SPOPL: variants seen among roughly 807,000 people sequenced by gnomAD.
SPOPL encodes speckle-type POZ protein-like.
In SPOPL, 23 loss-of-function variants were observed where a neutral mutation model predicts 53.8. That is an observed-to-expected ratio of 0.43 (90% CI 0.31 to 0.61). The LOEUF (loss-of-function observed/expected upper bound fraction) is 0.61, where lower values mean the gene tolerates loss of function less well. Ranked by LOEUF, SPOPL falls within the 20% of genes least tolerant of loss-of-function variation. The pLI is 0.12. For missense variants in SPOPL, 442 were observed against 466.9 expected (o/e 0.95, Z 0.49); for synonymous variants, 164 against 149.7 (o/e 1.10, Z -0.70).
chr2:138,562,894 T>G (rs1284750239), intron 8 of SPOPL, among the ~76,000 whole-genome samples: 1 of 151,974 alleles, frequency 6.6e-6, no homozygotes, highest in Non-Finnish European at 1.5e-5. Context: ...GGCAGAGATT[T>G]CTTAGCTGTG....
chr2:138,538,369 C>T (rs1385934073), intron 1 of SPOPL, among the ~76,000 whole-genome samples: 4 of 151,988 alleles, frequency 2.6e-5, no homozygotes, highest in South Asian at 2.1e-4. Context: ...TGCTTGATAT[C>T]GTTTGGGGCT....
chr2:138,521,231 G>A (rs1038303858), intron 1 of SPOPL, among the ~76,000 whole-genome samples: 1 of 152,172 alleles, frequency 6.6e-6, no homozygotes, highest in Non-Finnish European at 1.5e-5. Flanking sequence ...TGGTGGAACT[G>A]GACAGAGTTT....
intron 3 of SPOPL, 76 bp from the exon 4 acceptor site, chr2:138,550,827 T>TTCTCTCTCTCTCTC (rs66690846): frequency 1.7e-5 from 23 of 1,368,448 alleles, no homozygotes; most frequent in Admixed American, 1.4e-4. Flanking sequence ...CTCTCTCTCT[T>TTCTCTCTCTCTCTC]TCTCTCTCTC....
At chr2:138,562,923 A>G (rs988577813) in intron 8 of SPOPL, among the ~76,000 whole-genome samples, 4 of 152,140 alleles carry the variant, frequency 2.6e-5, no homozygotes, top group African/African-American at 9.7e-5. Flanking sequence ...AATTCTGTAA[A>G]AGAAAAAAAA....
At chr2:138,525,636 C>T (rs1684654093) in intron 1 of SPOPL, among the ~76,000 whole-genome samples, 1 of 127,834 alleles carries the variant, frequency 7.8e-6, no homozygotes, top group South Asian at 2.4e-4. Flanking sequence ...ACAGCAAGAC[C>T]TGCATCAGTA....
Position 138,569,142 on chromosome 2 carries a change from C to G in SPOPL, c.*62C>G. 1 of 1,542,770 alleles carries G rather than the reference C, an allele frequency of 6.5e-7. No individual in the cohort carries two copies. Among genetic ancestry groups the G allele is most frequent in the South Asian group, 1.2e-5 (1 of 85,312 alleles). ...TCACTCCTCCAGGTCCAGAAGGATTCTAATACACAAACCATAAGCAAGAGT... is the reference window on the plus strand; with the variant it reads ...TCACTCCTCCAGGTCCAGAAGGATTGTAATACACAAACCATAAGCAAGAGT... On this transcript the variant is annotated 3_prime_UTR_variant, in exon 11 of 11. Transcript: ENST00000280098.
In SPOPL at chr2:138,502,053, C is replaced by G. The variant is rs1379248887; in HGVS notation, c.-127C>G. The stretch of plus-strand genomic sequence containing the variant: ...CGCAGCCTCGGGCTCCCAGGGCGGA[C>G]ACGGCCACCGCCTCAGCGGGAGAGG... On this transcript the variant is annotated 5_prime_UTR_variant, in exon 1 of 11. Transcript: ENST00000280098. The G allele has an allele frequency of 2.0e-5, 3 of 152,814 alleles. No individual in the cohort carries two copies. Among genetic ancestry groups the G allele is most frequent in the East Asian group, 3.9e-4 (2 of 5,184 alleles). The allele number at this position is 152,814 out of a possible 1,614,324, so 9.5% of individuals were successfully genotyped here. A position where few individuals can be genotyped will look rare whatever the true frequency, so the allele number is the denominator to read the frequency against.
Position 138,564,811 on chromosome 2 carries a change from C to T in SPOPL, c.941C>T (p.Ala314Val). 6.2e-7 allele frequency: 1 copy of T among 1,614,146 alleles called. No homozygotes were observed. Residue 314 changes from alanine to valine, a missense_variant, in exon 9 of 11, where the codon GCA becomes GTA. Physicochemically the swap from Ala to Val is moderately conservative, Grantham distance 64. Transcript: ENST00000280098. ...DTLVLADLHS[A>V]EQLKAQAIDF... ...CTTGTCCTTGCAGATTTGCACAGTG[C>T]AGAACAGTTGAAAGCACAAGCCATA...
In SPOPL at chr2:138,550,495, A is replaced by G; in HGVS notation, c.91A>G (p.Lys31Glu). ...CTGAATCTCTTAGGTTAAAGTAGTAAAATTTTCCTATATGTGGACCATTAA... is the reference window on the plus strand; with the variant it reads ...CTGAATCTCTTAGGTTAAAGTAGTAGAATTTTCCTATATGTGGACCATTAA... Reference protein sequence around the residue: ...SWCYTQVKVVKFSYMWTINNF... With the variant: ...SWCYTQVKVVEFSYMWTINNF... Residue 31 changes from lysine to glutamate, a missense_variant, in exon 3 of 11, where the codon AAA (lysine) becomes GAA (glutamate). Lys to Glu is a moderately conservative substitution (Grantham distance 56, BLOSUM62 1). Transcript: ENST00000280098. 6.2e-7 allele frequency: 1 copy of G among 1,607,542 alleles called. No homozygotes were observed. The highest frequency in any genetic ancestry group is 8.5e-7 in the Non-Finnish European group (1 of 1,176,078).
chr2:138,531,294 T>C (rs921830564), intron 1 of SPOPL, among the ~76,000 whole-genome samples: 1 of 152,104 alleles, frequency 6.6e-6, no homozygotes, highest in African/African-American at 2.4e-5. Context: ...TGGAGTTACT[T>C]GAGCTACTGC....
intron 1 of SPOPL, among the ~76,000 whole-genome samples, chr2:138,533,703 C>A (rs1684863711): frequency 6.6e-6 from 1 of 151,946 alleles, no homozygotes; most frequent in Admixed American, 6.6e-5. Context: ...TATATTAACT[C>A]TTTTTCATCA....
intron 1 of SPOPL, among the ~76,000 whole-genome samples, chr2:138,549,149 T>C (rs1054672103): frequency 6.6e-6 from 1 of 152,172 alleles, no homozygotes; most frequent in Non-Finnish European, 1.5e-5. Context: ...CCAACTATTA[T>C]TGTAGAATTG....
rs1218941491 is a variant in SPOPL at position 138,502,016 on chromosome 2, T to A, written c.-164T>A. ...CACAGGGACTTGCCGCCATCACCCC[T>A]GCTGCCACCACCGCAGCCTCGGGCT... On this transcript the variant is annotated 5_prime_UTR_variant, in exon 1 of 11. Coordinates refer to ENST00000280098, the MANE Select transcript of SPOPL (RefSeq NM_001001664.3). 1 of 152,962 alleles carries A rather than the reference T, an allele frequency of 6.5e-6. No individual in the cohort carries two copies. Among genetic ancestry groups the A allele is most frequent in the Non-Finnish European group, 1.5e-5 (1 of 68,698 alleles). The allele number at this position is 152,962 out of a possible 1,614,324, so 9.5% of individuals were successfully genotyped here.
intron 8 of SPOPL, among the ~76,000 whole-genome samples, chr2:138,563,693 A>C (rs934666033): frequency 3.3e-5 from 5 of 152,232 alleles, no homozygotes; most frequent in Admixed American, 6.5e-5. Context: ...TGGTACAACC[A>C]CTTTGGAAAA....
chr2:138,541,184 G>C (rs1685063542), intron 1 of SPOPL, among the ~76,000 whole-genome samples: 1 of 152,098 alleles, frequency 6.6e-6, no homozygotes, highest in African/African-American at 2.4e-5. Flanking sequence ...TGTTCATCAG[G>C]GATAGTGGTC....
chr2:138,562,087 A>G (rs1685562455), intron 8 of SPOPL, among the ~76,000 whole-genome samples: 1 of 152,214 alleles, frequency 6.6e-6, no homozygotes, highest in Non-Finnish European at 1.5e-5. Context: ...GAAAGTCTCA[A>G]TATTGTTAAA....
Position 138,571,832 on chromosome 2 carries a change from G to A in SPOPL, c.*2752G>A, listed in dbSNP as rs1685788877. 1 of 152,588 alleles carries A rather than the reference G, an allele frequency of 6.6e-6. No individual in the cohort carries two copies. Among genetic ancestry groups the A allele is most frequent in the Non-Finnish European group, 1.5e-5 (1 of 68,032 alleles). The allele number at this position is 152,588 out of a possible 1,614,324, so 9.5% of individuals were successfully genotyped here. On this transcript the variant is annotated 3_prime_UTR_variant, in exon 11 of 11. Transcript: ENST00000280098. ...TAACTGTTGTTTAGACCAACACTTA[G>A]AAATACTATATTTGTGCCTTTTCAT...
At chr2:138,552,881 T>G (rs1197583912) in intron 5 of SPOPL, among the ~76,000 whole-genome samples, 200 bp downstream of exon 5, 2 of 152,116 alleles carry the variant, frequency 1.3e-5, no homozygotes, top group African/African-American at 4.8e-5. Flanking sequence ...CTCTGTCATA[T>G]TTCTAGCTAT....
chr2:138,513,542 T>C (rs1259593923), intron 1 of SPOPL, among the ~76,000 whole-genome samples: 1 of 151,848 alleles, frequency 6.6e-6, no homozygotes, highest in Non-Finnish European at 1.5e-5. Flanking sequence ...AGAGTGAGAT[T>C]CCATCTTAAA....
Sources: allele counts gnomAD v4.1 joint callset (sites outside exome capture counted in the v4.1 genomes callset), GRCh38; gene constraint gnomAD v4.1.1; transcripts MANE v1.5; gene names NCBI Gene and HGNC (gene_info 2026-07-23, HGNC 2026-07-21).